Variants in NKAIN2 observed in about 807,000 individuals in gnomAD.
NKAIN2 encodes the protein sodium/potassium transporting ATPase interacting 2.
In NKAIN2, 14 loss-of-function variants were observed where a neutral mutation model predicts 32.6. The observed-to-expected ratio is 0.43, with a 90% confidence interval of 0.28 to 0.67. The LOEUF (loss-of-function observed/expected upper bound fraction) is 0.67, where lower values mean the gene tolerates loss of function less well. NKAIN2 is among the 30% of genes least tolerant of loss of function. NKAIN2 has a pLI of 0.17. For synonymous variants in NKAIN2, 80 were observed against 87.2 expected (o/e 0.92, Z 0.46); for missense variants, 198 against 258.3 (o/e 0.77, Z 1.60).
intron 3 of NKAIN2, among the ~76,000 whole-genome samples, chr6:124,485,731 T>C (rs1032734404): frequency 2.6e-5 from 4 of 152,100 alleles, no homozygotes; most frequent in African/African-American, 9.7e-5. Context: ...GCTCTACCAG[T>C]GTGCAGCAGG....
intron 1 of NKAIN2, among the ~76,000 whole-genome samples, chr6:124,095,212 T>G (rs1224945063): frequency 6.6e-6 from 1 of 152,288 alleles, no homozygotes; most frequent in African/African-American, 2.4e-5. Flanking sequence ...TAGATGATTT[T>G]AGGCTTTTTA....
chr6:124,203,100 G>C (rs531453575), intron 1 of NKAIN2, among the ~76,000 whole-genome samples: 1 of 151,972 alleles, frequency 6.6e-6, no homozygotes, highest in African/African-American at 2.4e-5. Context: ...TGCTCAATCT[G>C]TCTGTTTTGT....
chr6:124,679,371 C>A (rs936590991), intron 4 of NKAIN2, among the ~76,000 whole-genome samples: 4 of 152,130 alleles, frequency 2.6e-5, no homozygotes, highest in Non-Finnish European at 4.4e-5. Context: ...AGACAGAAAC[C>A]AGTGCCTTGG....
chr6:123,839,607 C>T (rs542268632), intron 1 of NKAIN2, among the ~76,000 whole-genome samples: 22 of 152,264 alleles, frequency 1.4e-4, no homozygotes, highest in Admixed American at 6.5e-4. Flanking sequence ...TTCACTTTGG[C>T]TGTTAACTAC....
At chr6:124,555,792 T>A (rs920078481) in intron 3 of NKAIN2, among the ~76,000 whole-genome samples, 54 of 152,312 alleles carry the variant, frequency 3.5e-4, no homozygotes, top group African/African-American at 1.2e-3. Flanking sequence ...TATTTCCAGA[T>A]TATATGGACA....
intron 1 of NKAIN2, among the ~76,000 whole-genome samples, chr6:123,842,251 G>A (rs1054526526): frequency 7.2e-5 from 11 of 152,280 alleles, no homozygotes; most frequent in African/African-American, 2.4e-4. Flanking sequence ...CAGCAGATAT[G>A]TATTTCTCAC....
intron 1 of NKAIN2, among the ~76,000 whole-genome samples, chr6:124,257,506 A>G (rs1453268001): frequency 6.6e-6 from 1 of 152,214 alleles, no homozygotes; most frequent in Non-Finnish European, 1.5e-5. Context: ...TGATTATAAA[A>G]TTAGAAATTA....
At chr6:124,316,432 A>G (rs1350686011) in intron 2 of NKAIN2, among the ~76,000 whole-genome samples, 1 of 152,132 alleles carries the variant, frequency 6.6e-6, no homozygotes, top group East Asian at 1.9e-4. Context: ...CAGTGTAATC[A>G]GTGTAAATTA....
At chr6:124,796,905 C>T (rs922275262) in intron 5 of NKAIN2, among the ~76,000 whole-genome samples, 3 of 152,112 alleles carry the variant, frequency 2.0e-5, no homozygotes, top group Non-Finnish European at 4.4e-5. Context: ...CTTATGGCCT[C>T]CCGTCTTCTA....
chr6:124,687,325 T>C (rs1468504418), intron 4 of NKAIN2, among the ~76,000 whole-genome samples: 2 of 140,050 alleles, frequency 1.4e-5, no homozygotes, highest in African/African-American at 2.6e-5. Flanking sequence ...ATGTAATATA[T>C]ATATTCCATA....
chr6:124,446,919 A>T (rs948961833), intron 3 of NKAIN2, among the ~76,000 whole-genome samples: 4 of 152,116 alleles, frequency 2.6e-5, no homozygotes, highest in Non-Finnish European at 4.4e-5. Context: ...GGGAGCATGT[A>T]TCTAGTGGGT....
At chr6:124,760,088 G>A (rs1429277844) in intron 4 of NKAIN2, among the ~76,000 whole-genome samples, 1 of 151,990 alleles carries the variant, frequency 6.6e-6, no homozygotes, top group Admixed American at 6.6e-5. Flanking sequence ...TCATAAAAAA[G>A]AATGAGATCA....
chr6:123,919,279 G>C (rs71574839), intron 1 of NKAIN2, among the ~76,000 whole-genome samples: 5,819 of 151,952 alleles, frequency 0.038, 163 homozygotes, highest in Non-Finnish European at 0.057. Flanking sequence ...GGTTTCTTTT[G>C]TTTGTGTACG....
intron 1 of NKAIN2, among the ~76,000 whole-genome samples, chr6:124,129,444 G>A (rs543217759): frequency 6.6e-6 from 1 of 152,208 alleles, no homozygotes; most frequent in African/African-American, 2.4e-5. Flanking sequence ...AATGCAAATG[G>A]CTATTATTGG....
At chr6:124,467,896 C>T (rs1171117995) in intron 3 of NKAIN2, among the ~76,000 whole-genome samples, 2 of 151,986 alleles carry the variant, frequency 1.3e-5, no homozygotes, top group East Asian at 3.9e-4. Flanking sequence ...TTATGTCCTA[C>T]TAGTTGGTGG....
At chr6:123,826,768 A>G (rs1195788538) in intron 1 of NKAIN2, among the ~76,000 whole-genome samples, 2 of 152,086 alleles carry the variant, frequency 1.3e-5, no homozygotes, top group Non-Finnish European at 2.9e-5. Context: ...GGTTGCTTCT[A>G]TCCTTTGAAA....
At chr6:124,110,439 G>A (rs1174494264) in intron 1 of NKAIN2, among the ~76,000 whole-genome samples, 1 of 151,928 alleles carries the variant, frequency 6.6e-6, no homozygotes, top group South Asian at 2.1e-4. Flanking sequence ...GGGAGTGCAT[G>A]TACGGATTTT....
chr6:123,872,906 T>TTG (rs1435130225), intron 1 of NKAIN2, among the ~76,000 whole-genome samples: 1 of 152,232 alleles, frequency 6.6e-6, no homozygotes, highest in African/African-American at 2.4e-5. Context: ...AAAATTATTA[T>TTG]TGGTCAATCC....
intron 3 of NKAIN2, among the ~76,000 whole-genome samples, chr6:124,405,581 T>C (rs1356037564): frequency 6.6e-6 from 1 of 151,338 alleles, no homozygotes; most frequent in Admixed American, 6.6e-5. Context: ...GGTCTCACTA[T>C]ATTGCCCAGG....
Sources: allele counts gnomAD v4.1 joint callset (sites outside exome capture counted in the v4.1 genomes callset), GRCh38; gene constraint gnomAD v4.1.1; transcripts MANE v1.5; gene names NCBI Gene and HGNC (gene_info 2026-07-23, HGNC 2026-07-21).